Variants in RABGAP1L observed in about 807,000 individuals in gnomAD.
The protein encoded by RABGAP1L is rab GTPase-activating protein 1-like.
In RABGAP1L, 63 loss-of-function variants were observed where a neutral mutation model predicts 137.7. The observed-to-expected ratio is 0.46, with a 90% CI of 0.37 to 0.56. RABGAP1L has a LOEUF of 0.56. Among genes scored for constraint, RABGAP1L ranks in the 20% least tolerant of loss-of-function variants. RABGAP1L has a pLI of 0.00. For missense variants in RABGAP1L, 1,095 were observed against 1,244.0 expected (o/e 0.88, Z 1.80); for synonymous variants, 431 against 433.7 (o/e 0.99, Z 0.08).
chr1:174,819,218 TAGTC>T (rs1425052152), intron 19 of RABGAP1L, among the ~76,000 whole-genome samples: 18 of 128,094 alleles, frequency 1.4e-4, no homozygotes, highest in African/African-American at 3.5e-4. Flanking sequence ...AAAAAAGAGA[TAGTC>T]AGCAAGCCTG....
intron 19 of RABGAP1L, among the ~76,000 whole-genome samples, chr1:174,826,525 A>G (rs1183506326): frequency 6.6e-6 from 1 of 152,130 alleles, no homozygotes; most frequent in Non-Finnish European, 1.5e-5. Flanking sequence ...CCCGGCCACC[A>G]CATTTTCTTT....
intron 7 of RABGAP1L, among the ~76,000 whole-genome samples, chr1:174,265,444 A>C (rs1233263626): frequency 6.6e-6 from 1 of 151,446 alleles, no homozygotes; most frequent in Non-Finnish European, 1.5e-5. Flanking sequence ...AAAAGTACTC[A>C]TATTTGGTGG....
At chr1:174,782,492 T>C (rs774382904) in intron 18 of RABGAP1L, among the ~76,000 whole-genome samples, 1 of 152,240 alleles carries the variant, frequency 6.6e-6, no homozygotes, top group Non-Finnish European at 1.5e-5. Flanking sequence ...TTTCTAGATA[T>C]ACAGTCATGT....
At chr1:174,602,455 C>A (rs1444039586) in intron 13 of RABGAP1L, among the ~76,000 whole-genome samples, 2 of 152,100 alleles carry the variant, frequency 1.3e-5, no homozygotes, top group Non-Finnish European at 2.9e-5. Flanking sequence ...AAGACCACAC[C>A]CCCATGATTC....
At position 174,251,372 on chromosome 1, in the gene RABGAP1L, T is replaced by G. The variant is rs189655781; in HGVS notation, c.875+740T>G. 6.8e-4 allele frequency among the ~76,000 whole-genome samples: 103 copies of G among 152,226 alleles called. 1 individual carries two copies. Among genetic ancestry groups the G allele is most frequent in the African/African-American group, 2.3e-3 (94 of 41,552 alleles). On this transcript the variant is annotated intron_variant, in intron 6 of 25. Coordinates refer to ENST00000681986, the MANE Select transcript of RABGAP1L (RefSeq NM_001366446.1). ...CACTTAATTAACCATTTCTTTTTTT[T>G]TTGTACATTTAGAATGTTTTCCTCC...
At chr1:174,973,973 TTTTTTG>T (rs1206812411) in intron 21 of RABGAP1L, among the ~76,000 whole-genome samples, 8 of 101,108 alleles carry the variant, frequency 7.9e-5, no homozygotes, top group East Asian at 3.4e-4. Flanking sequence ...AGTACAATTG[TTTTTTG>T]TTTTTTTTTT....
In RABGAP1L at chr1:174,637,367, T is replaced by A; in HGVS notation, c.1711-8T>A. The A allele has an allele frequency of 6.3e-7, 1 of 1,582,902 alleles. No individual in the cohort carries two copies. Among genetic ancestry groups the A allele is most frequent in the Non-Finnish European group, 8.7e-7 (1 of 1,155,646 alleles). ...TTAATAACCAGGTCTATTTTCTTTC[T>A]TTTTTAGGACTCAGCCCAGGAGAGT... is the stretch of plus-strand genomic sequence containing the variant. On this transcript the variant is annotated splice_polypyrimidine_tract_variant and splice_region_variant and intron_variant, in intron 13 of 25. Coordinates refer to ENST00000681986, the MANE Select transcript of RABGAP1L (RefSeq NM_001366446.1).
chr1:174,562,242 A>G (rs762817907), intron 13 of RABGAP1L, among the ~76,000 whole-genome samples: 11 of 152,230 alleles, frequency 7.2e-5, no homozygotes, highest in Non-Finnish European at 1.3e-4. Context: ...GCCAACAAAC[A>G]TATGAAAAAA....
At chr1:174,426,407 A>G (rs1201100384) in intron 13 of RABGAP1L, among the ~76,000 whole-genome samples, 1 of 152,114 alleles carries the variant, frequency 6.6e-6, no homozygotes, top group East Asian at 1.9e-4. Context: ...TAAAAACATA[A>G]TATAGATATT....
chr1:174,635,189 G>T (rs1411551968), intron 13 of RABGAP1L, among the ~76,000 whole-genome samples: 2 of 151,916 alleles, frequency 1.3e-5, no homozygotes, highest in Non-Finnish European at 2.9e-5. Flanking sequence ...ACAGCATAAT[G>T]CTAAATGCAT....
chr1:174,808,820 A>T (rs1286086260), intron 18 of RABGAP1L, among the ~76,000 whole-genome samples: 1 of 151,378 alleles, frequency 6.6e-6, no homozygotes, highest in Non-Finnish European at 1.5e-5. Flanking sequence ...CGCCTGGCTA[A>T]TTTTTTTTAT....
chr1:174,737,342 C>A (rs887758179), intron 17 of RABGAP1L, among the ~76,000 whole-genome samples: 6 of 152,180 alleles, frequency 3.9e-5, no homozygotes, highest in Non-Finnish European at 8.8e-5. Flanking sequence ...ATCCCTAGGA[C>A]TCAGACACGA....
chr1:174,169,137 G>C (rs1215581075), intron 1 of RABGAP1L, among the ~76,000 whole-genome samples: 1 of 152,120 alleles, frequency 6.6e-6, no homozygotes, highest in East Asian at 1.9e-4. Flanking sequence ...ATTATCAATA[G>C]CTTTGATAGA....
At chr1:174,319,285 T>A (rs1307730973) in intron 11 of RABGAP1L, among the ~76,000 whole-genome samples, 1 of 152,130 alleles carries the variant, frequency 6.6e-6, no homozygotes, top group African/African-American at 2.4e-5. Flanking sequence ...TAAGTACTTC[T>A]TGTTATTAAT....
At chr1:174,882,819 G>C (rs1237288504) in intron 19 of RABGAP1L, among the ~76,000 whole-genome samples, 3 of 151,816 alleles carry the variant, frequency 2.0e-5, no homozygotes, top group African/African-American at 7.3e-5. Context: ...ACTACTAGCA[G>C]AACATAAGAG....
chr1:174,389,726 T>C (rs1370000478), intron 12 of RABGAP1L, among the ~76,000 whole-genome samples: 1 of 152,162 alleles, frequency 6.6e-6, no homozygotes, highest in African/African-American at 2.4e-5. Context: ...ATGTATTAAA[T>C]GCCTTTTATA....
intron 17 of RABGAP1L, among the ~76,000 whole-genome samples, chr1:174,720,290 T>TAGATAGATAGATAGATAGATAGAC (rs368112419): frequency 7.1e-5 from 10 of 141,738 alleles, no homozygotes; most frequent in East Asian, 4.1e-4. Flanking sequence ...GATAGATAGA[T>TAGATAGATAGATAGATAGATAGAC]AGACAGACAG....
chr1:174,588,895 G>C (rs1286679794), intron 13 of RABGAP1L, among the ~76,000 whole-genome samples: 1 of 152,132 alleles, frequency 6.6e-6, no homozygotes, highest in Non-Finnish European at 1.5e-5. Context: ...ATTGCAAATA[G>C]TACCACAGTA....
chr1:174,350,214 C>T (rs1315354707), intron 11 of RABGAP1L, among the ~76,000 whole-genome samples: 26 of 136,262 alleles, frequency 1.9e-4, no homozygotes, highest in Non-Finnish European at 3.5e-4. Context: ...CCCTCCCGGA[C>T]GGGGTGGCTG....
Sources: gnomAD v4.1 joint callset for allele counts (sites outside exome capture counted in the v4.1 genomes callset) on GRCh38, gnomAD v4.1.1 for gene constraint, MANE v1.5 for transcripts, NCBI Gene and HGNC (gene_info 2026-07-23, HGNC 2026-07-21) for gene names.